The following ESR1 variants were observed in gnomAD, a reference collection of about 807,000 sequenced individuals.
ESR1 encodes the protein estrogen receptor 1.
ESR1 carries 12 observed loss-of-function variants against 52.7 expected under a neutral mutation model. The observed-to-expected ratio is 0.23, with a 90% confidence interval of 0.15 to 0.37. The LOEUF (loss-of-function observed/expected upper bound fraction) is 0.37. Among genes scored for constraint, ESR1 ranks in the 10% least tolerant of loss-of-function variants. The pLI, the probability that ESR1 is intolerant of heterozygous loss-of-function variation, is 1.00. For missense variants in ESR1, 584 were observed against 779.7 expected (o/e 0.75, Z 2.99); for synonymous variants, 305 against 316.8 (o/e 0.96, Z 0.39).
chr6:151,916,887 T>A (rs569143616), intron 3 of ESR1, among the ~76,000 whole-genome samples: 1 of 152,300 alleles, frequency 6.6e-6, no homozygotes, highest in East Asian at 1.9e-4. Flanking sequence ...CAAATGAGAC[T>A]TTATGAAAAT....
intron 2 of ESR1, among the ~76,000 whole-genome samples, chr6:151,723,418 G>A (rs1167745545): frequency 6.6e-6 from 1 of 152,224 alleles, no homozygotes; most frequent in Non-Finnish European, 1.5e-5. Flanking sequence ...AAGGGGTTAG[G>A]GGATTTCCCC....
At chr6:151,823,662 C>T (rs1436873721) in intron 1 of ESR1, among the ~76,000 whole-genome samples, 13 of 152,142 alleles carry the variant, frequency 8.5e-5, no homozygotes, top group Admixed American at 6.5e-4. Context: ...TGATGTTCCC[C>T]ACCCTGTGTC....
At chr6:151,664,536 C>T (rs1160259351) in intron 1 of ESR1, among the ~76,000 whole-genome samples, 1 of 152,164 alleles carries the variant, frequency 6.6e-6, no homozygotes, top group Non-Finnish European at 1.5e-5. Flanking sequence ...GATATATCGA[C>T]AGAGTGACCT....
intron 6 of ESR1, among the ~76,000 whole-genome samples, chr6:152,076,380 T>G (rs950604134): frequency 6.6e-6 from 1 of 152,216 alleles, no homozygotes. Flanking sequence ...TGTGGAACTG[T>G]AAATCCAATT....
chr6:151,933,091 G>A (rs1440075599), intron 3 of ESR1, among the ~76,000 whole-genome samples: 2 of 151,904 alleles, frequency 1.3e-5, no homozygotes, highest in African/African-American at 4.8e-5. Context: ...CATGAGCATG[G>A]AATGTTCTTC....
At chr6:151,670,684 A>C (rs775954563) in intron 1 of ESR1, among the ~76,000 whole-genome samples, 16 of 151,816 alleles carry the variant, frequency 1.1e-4, no homozygotes, top group Admixed American at 2.6e-4. Flanking sequence ...CCCGGAATCA[A>C]GTGATTCTCA....
intron 1 of ESR1, among the ~76,000 whole-genome samples, chr6:151,832,252 G>A (rs1156816936): frequency 1.3e-5 from 2 of 152,044 alleles, no homozygotes; most frequent in African/African-American, 4.8e-5. Flanking sequence ...ACATGGTTAG[G>A]GTTTGCCCAA....
intron 2 of ESR1, among the ~76,000 whole-genome samples, chr6:151,879,885 T>C (rs1043569381): frequency 3.9e-5 from 6 of 152,188 alleles, no homozygotes; most frequent in Non-Finnish European, 7.3e-5. Context: ...TTAGGTATTC[T>C]GTGCTGCATG....
intron 3 of ESR1, among the ~76,000 whole-genome samples, chr6:151,911,531 A>G (rs371979578): frequency 6.6e-6 from 1 of 152,158 alleles, no homozygotes; most frequent in East Asian, 1.9e-4. Context: ...TCCCTGGAAC[A>G]TTCTCTCAAA....
At chr6:151,970,944 C>T in intron 4 of ESR1, among the ~76,000 whole-genome samples, 1 of 152,146 alleles carries the variant, frequency 6.6e-6, no homozygotes, top group Non-Finnish European at 1.5e-5. Context: ...TTTCATCTTG[C>T]TGTTTGTATC....
intron 2 of ESR1, among the ~76,000 whole-genome samples, chr6:151,730,542 C>T (rs529027779): frequency 1.3e-5 from 2 of 152,288 alleles, no homozygotes; most frequent in Non-Finnish European, 2.9e-5. Flanking sequence ...TCGAGTTCCT[C>T]ACTAGCTCCT....
At chr6:151,831,053 T>C (rs1374977845) in intron 1 of ESR1, among the ~76,000 whole-genome samples, 1 of 152,158 alleles carries the variant, frequency 6.6e-6, no homozygotes, top group Non-Finnish European at 1.5e-5. Flanking sequence ...AACAGAGTTC[T>C]TAACGTTTGC....
chr6:151,721,174 T>C (rs1781429395), intron 2 of ESR1, among the ~76,000 whole-genome samples: 1 of 152,190 alleles, frequency 6.6e-6, no homozygotes, highest in Non-Finnish European at 1.5e-5. Flanking sequence ...TTTTAAAGGA[T>C]TCATAGATGT....
intron 2 of ESR1, among the ~76,000 whole-genome samples, chr6:151,872,102 G>C (rs1392641676): frequency 6.6e-6 from 1 of 152,182 alleles, no homozygotes; most frequent in Non-Finnish European, 1.5e-5. Flanking sequence ...ACACCTCAAA[G>C]CGGAATTGTT....
At chr6:151,750,726 T>C (rs1055484599) in intron 2 of ESR1, among the ~76,000 whole-genome samples, 1 of 152,184 alleles carries the variant, frequency 6.6e-6, no homozygotes, top group Non-Finnish European at 1.5e-5. Flanking sequence ...TGTGCAATTT[T>C]TGAAGATACG....
At chr6:152,055,336 C>A (rs898831515) in intron 5 of ESR1, among the ~76,000 whole-genome samples, 3 of 152,126 alleles carry the variant, frequency 2.0e-5, no homozygotes, top group African/African-American at 7.2e-5. Flanking sequence ...CTCATGTCCT[C>A]GCCGACAAGC....
chr6:152,122,448 A>G, intron 6 of ESR1: 1 of 1,614,092 alleles, frequency 6.2e-7, no homozygotes. Flanking sequence ...AGAGTGGAGG[A>G]GGGCCATTCG....
chr6:152,043,020 G>A (rs1398786267), intron 5 of ESR1, among the ~76,000 whole-genome samples: 1 of 152,156 alleles, frequency 6.6e-6, no homozygotes, highest in African/African-American at 2.4e-5. Flanking sequence ...AGCTCTTCAA[G>A]GATGCAGGTG....
At chr6:152,097,533 TC>T (rs1341845083) in intron 7 of ESR1, among the ~76,000 whole-genome samples, 1 of 152,168 alleles carries the variant, frequency 6.6e-6, no homozygotes, top group Non-Finnish European at 1.5e-5. Flanking sequence ...TGCAAATTTT[TC>T]TAAGACCTTC....
Sources: allele counts gnomAD v4.1 joint callset (sites outside exome capture counted in the v4.1 genomes callset), GRCh38; gene constraint gnomAD v4.1.1; transcripts MANE v1.5; gene names NCBI Gene and HGNC (gene_info 2026-07-23, HGNC 2026-07-21).